RMDN2: variants seen among roughly 807,000 people sequenced by gnomAD.
RMDN2 encodes regulator of microtubule dynamics protein 2.
A neutral mutation model predicts 52.8 loss-of-function variants in RMDN2; 61 were observed. That is an observed-to-expected ratio of 1.16 (90% CI 0.94 to 1.43). The LOEUF (loss-of-function observed/expected upper bound fraction) is 1.43, where lower values mean the gene tolerates loss of function less well. RMDN2 is among the 40% of genes most tolerant of loss of function. The pLI, the probability that RMDN2 is intolerant of heterozygous loss-of-function variation, is 0.00. For synonymous variants in RMDN2, 180 were observed against 153.1 expected, an observed-to-expected ratio of 1.18 and a Z score of -1.30; for missense variants, 592 against 475.3, an observed-to-expected ratio of 1.25 and a Z score of -2.28.
intron 10 of RMDN2, among the ~76,000 whole-genome samples, chr2:38,032,325 A>T (rs1253014524): frequency 1.3e-5 from 2 of 152,136 alleles, no homozygotes; most frequent in African/African-American, 4.8e-5. Flanking sequence ...ATTTTTTTAC[A>T]ATACCATATT....
At chr2:38,019,231 A>C (rs143002058), downstream of RMDN2, among the ~76,000 whole-genome samples, 32 of 152,282 alleles carry the variant, frequency 2.1e-4, no homozygotes, top group Non-Finnish European at 4.1e-4. Context: ...TGTGGGAGCA[A>C]CTCATTCCGG....
At chr2:37,982,106 C>T (rs1176814796) in intron 5 of RMDN2, among the ~76,000 whole-genome samples, 3 of 152,098 alleles carry the variant, frequency 2.0e-5, no homozygotes, top group South Asian at 2.1e-4. Flanking sequence ...CCCTTCTTTG[C>T]GGTTACTTTA....
At chr2:38,043,245 A>G (rs930282066) in intron 10 of RMDN2, among the ~76,000 whole-genome samples, 11 of 152,092 alleles carry the variant, frequency 7.2e-5, no homozygotes, top group African/African-American at 2.7e-4. Context: ...TTATGTAGTG[A>G]CCATCTCTGT....
At chr2:38,003,604 G>GATAGATAGATAGATAGACAGA (rs1306774545) in intron 8 of RMDN2, among the ~76,000 whole-genome samples, 1 of 103,168 alleles carries the variant, frequency 9.7e-6, no homozygotes, top group Non-Finnish European at 2.2e-5. Context: ...AGATAGATAG[G>GATAGATAGATAGATAGACAGA]CAGACAGACA....
intron 2 of RMDN2, among the ~76,000 whole-genome samples, chr2:37,938,911 T>A (rs569908401): frequency 6.6e-6 from 1 of 152,316 alleles, no homozygotes; most frequent in East Asian, 1.9e-4. Context: ...TCTGCTCTGA[T>A]CTTAGTTATT....
intron 7 of RMDN2, among the ~76,000 whole-genome samples, chr2:37,992,649 C>T (rs1674961376): frequency 2.0e-5 from 3 of 152,144 alleles, no homozygotes; most frequent in African/African-American, 7.2e-5. Context: ...TTAAAATAAG[C>T]TGCTTCTACA....
At chr2:38,012,107 C>G (rs1457162275) in intron 10 of RMDN2, among the ~76,000 whole-genome samples, 5 of 152,154 alleles carry the variant, frequency 3.3e-5, no homozygotes, top group African/African-American at 1.2e-4. Context: ...CAGCTCCCCT[C>G]TCCTCTGCAC....
chr2:38,059,090 A>T (rs1477210507), intron 10 of RMDN2, among the ~76,000 whole-genome samples: 1 of 152,180 alleles, frequency 6.6e-6, no homozygotes, highest in Non-Finnish European at 1.5e-5. Flanking sequence ...GTCCAATAGA[A>T]CTTTCCGCTA....
At chr2:37,992,002 T>C (rs755533312) in intron 7 of RMDN2, among the ~76,000 whole-genome samples, 8 of 152,230 alleles carry the variant, frequency 5.3e-5, no homozygotes, top group African/African-American at 1.9e-4. Context: ...AACTTCTTCA[T>C]TGCAGCTGAA....
At chr2:38,012,567 G>A (rs1318244467) in intron 10 of RMDN2, 1 of 466,710 alleles carries the variant, frequency 2.1e-6, no homozygotes, top group Non-Finnish European at 4.4e-6. Flanking sequence ...AAAATAGTAT[G>A]AGCAAATATT....
chr2:38,023,339 G>GA (rs930447010), intron 10 of RMDN2, among the ~76,000 whole-genome samples: 6 of 151,984 alleles, frequency 3.9e-5, no homozygotes, highest in East Asian at 1.9e-4. Flanking sequence ...CAAGGGAAAG[G>GA]AAAAAAGAAT....
At chr2:37,921,181 A>G (rs182360622), upstream of RMDN2, among the ~76,000 whole-genome samples, 2 of 152,238 alleles carry the variant, frequency 1.3e-5, no homozygotes, top group African/African-American at 2.4e-5. Context: ...TCAGTATAGG[A>G]GTATTAGGCC....
At chr2:37,996,601 G>GAAAAAAAAAAAAAAAAAAAAAAAAA (rs1161536445) in intron 7 of RMDN2, among the ~76,000 whole-genome samples, 2 of 57,996 alleles carry the variant, frequency 3.4e-5, no homozygotes, top group African/African-American at 7.6e-5. Context: ...AAAAAAAAAA[G>GAAAAAAAAAAAAAAAAAAAAAAAAA]AAAAAAAAAA....
intron 5 of RMDN2, among the ~76,000 whole-genome samples, chr2:37,985,083 T>G (rs552625417): frequency 8.3e-4 from 127 of 152,170 alleles, no homozygotes; most frequent in African/African-American, 2.9e-3. Context: ...AAAGGGAAAA[T>G]GTACATATTT....
chr2:38,017,775 C>G, downstream of RMDN2: 1 of 282,366 alleles, frequency 3.5e-6, no homozygotes. Flanking sequence ...TGTGAAGAGA[C>G]CACCAAACAG....
intron 2 of RMDN2, among the ~76,000 whole-genome samples, chr2:37,954,242 C>G (rs975839817): frequency 2.0e-5 from 3 of 151,940 alleles, no homozygotes; most frequent in Admixed American, 6.6e-5. Context: ...ATTGCCTATG[C>G]TTTTAGTGCC....
intron 10 of RMDN2, among the ~76,000 whole-genome samples, chr2:38,052,714 T>A (rs1681674378): frequency 6.6e-6 from 1 of 152,188 alleles, no homozygotes; most frequent in African/African-American, 2.4e-5. Context: ...CAACTTGTCT[T>A]TTTACTGCCA....
intron 2 of RMDN2, among the ~76,000 whole-genome samples, chr2:37,949,462 A>G (rs941680444): frequency 6.6e-6 from 1 of 152,116 alleles, no homozygotes; most frequent in African/African-American, 2.4e-5. Context: ...ACTGATGTAA[A>G]TGTCCTGGTG....
chr2:37,929,301 G>C lies in RMDN2; in HGVS notation c.24G>C (p.Glu8Asp), dbSNP rs1386715763. 6.5e-7 allele frequency: 1 copy of C among 1,541,502 alleles called. No individual in the cohort carries two copies. Among genetic ancestry groups the C allele is most frequent in the South Asian group, 1.2e-5 (1 of 81,852 alleles). Residue 8 changes from glutamate to aspartate, a missense_variant, in exon 2 of 11, where the codon GAG (glutamate) becomes GAC (aspartate). By Grantham distance (45) the Glu-to-Asp change is conservative. Coordinates refer to ENST00000354545, the MANE Select transcript of RMDN2 (RefSeq NM_001170791.3). ...AAATGCCTTATTCCACAAACAAAGA[G>C]TTGATACTTGGCATCATGGTGGGCA... MPYSTNK[E>D]LILGIMVGTA...
Sources: allele counts gnomAD v4.1 joint callset (sites outside exome capture counted in the v4.1 genomes callset), GRCh38; gene constraint gnomAD v4.1.1; transcripts MANE v1.5; gene names NCBI Gene and HGNC (gene_info 2026-07-23, HGNC 2026-07-21).